Variants in RBBP8 observed in about 807,000 individuals in gnomAD.
RBBP8 encodes RB binding protein 8, endonuclease.
Under a neutral mutation model 108.3 loss-of-function variants are expected in RBBP8, and 88 were observed. The observed-to-expected ratio is 0.81, with a 90% CI of 0.68 to 0.97. The LOEUF (loss-of-function observed/expected upper bound fraction) is 0.97. Among genes scored for constraint, RBBP8 ranks in the 50% least tolerant of loss-of-function variants. The pLI is 0.00. For synonymous variants in RBBP8, 332 were observed against 348.2 expected (o/e 0.95, Z 0.52); for missense variants, 1,023 against 1,049.0 (o/e 0.98, Z 0.34).
At chr18:22,938,441 C>T (rs1165225926) in intron 2 of RBBP8, among the ~76,000 whole-genome samples, 7 of 152,268 alleles carry the variant, frequency 4.6e-5, no homozygotes, top group African/African-American at 1.7e-4. Flanking sequence ...CCCGCCTTGG[C>T]CTCCCAAACA....
chr18:22,986,359 T>C (rs1171452634), intron 8 of RBBP8, among the ~76,000 whole-genome samples: 1 of 152,168 alleles, frequency 6.6e-6, no homozygotes, highest in Non-Finnish European at 1.5e-5. Flanking sequence ...ATGTAGATCA[T>C]TGAGTGTTAA....
At position 22,992,937 on chromosome 18, in the gene RBBP8, T is replaced by C. The variant is rs369113425; in HGVS notation, c.1110T>C (p.Ser370=). Residue 370 remains serine (S), a synonymous_variant, in exon 11 of 19, where the codon TCT becomes TCC. Transcript: ENST00000327155. ...KTLPFSNTCI[S]RLEKTRSKSE... ...TCCCTTTTAGCAACACTTGTATATC[T>C]AGATTAGAAAAAACTAGATCAAAAT... is the stretch of plus-strand genomic sequence containing the variant. The C allele has an allele frequency of 1.2e-6, 2 of 1,613,708 alleles. No homozygotes were observed. The highest frequency in any genetic ancestry group is 1.1e-5 in the South Asian group (1 of 91,052).
chr18:23,006,128 G>A (rs894932676), intron 15 of RBBP8, among the ~76,000 whole-genome samples: 1 of 151,862 alleles, frequency 6.6e-6, no homozygotes, highest in Non-Finnish European at 1.5e-5. Flanking sequence ...GGAGCTTGCA[G>A]TGAGCAGAGA....
chr18:22,972,074 G>A (rs1408115304), intron 5 of RBBP8, among the ~76,000 whole-genome samples: 4 of 151,424 alleles, frequency 2.6e-5, no homozygotes, highest in African/African-American at 4.8e-5. Flanking sequence ...CAAAGAATTA[G>A]GGCAGGCGCG....
At chr18:22,994,011 G>GTTTTTT (rs1555644186) in intron 12 of RBBP8, among the ~76,000 whole-genome samples, 164 bp downstream of exon 12, 1 of 77,466 alleles carries the variant, frequency 1.3e-5, no homozygotes, top group African/African-American at 3.9e-5. Flanking sequence ...TGATTTTTCT[G>GTTTTTT]TTCTTTTTTT....
chr18:22,959,072 T>A (rs1912842569), intron 4 of RBBP8, among the ~76,000 whole-genome samples: 1 of 152,320 alleles, frequency 6.6e-6, no homozygotes, highest in South Asian at 2.1e-4. Context: ...CACCAGTGAA[T>A]GTGATCGATA....
At chr18:23,019,796 C>G (rs367922507) in intron 17 of RBBP8, among the ~76,000 whole-genome samples, 5 of 138,252 alleles carry the variant, frequency 3.6e-5, no homozygotes, top group East Asian at 4.2e-4. Context: ...GAGTCTCACT[C>G]TGTTGCCCAG....
chr18:22,992,952 T>C lies in RBBP8; in HGVS notation c.1125T>C (p.Thr375=). 1 of 1,613,598 alleles carries C rather than the reference T, an allele frequency of 6.2e-7. No homozygotes were observed. Among genetic ancestry groups the C allele is most frequent in the Non-Finnish European group, 8.5e-7 (1 of 1,179,582 alleles). Residue 375 remains threonine (T), a synonymous_variant, in exon 11 of 19, where the codon ACT becomes ACC. Coordinates refer to ENST00000327155, the MANE Select transcript of RBBP8 (RefSeq NM_002894.3). ...SNTCISRLEK[T]RSKSEDSALF... is the part of the protein sequence containing the mutation. ...CTTGTATATCTAGATTAGAAAAAAC[T>C]AGATCAAAATCTGAAGATAGTGCCC...
intron 10 of RBBP8, among the ~76,000 whole-genome samples, 162 bp downstream of exon 10, chr18:22,991,211 G>C (rs910465200): frequency 2.6e-5 from 4 of 152,118 alleles, no homozygotes; most frequent in African/African-American, 7.2e-5. Context: ...CTGACCAATT[G>C]AGAGCTTTTT....
At chr18:23,011,304 C>CT (rs2046155212) in intron 16 of RBBP8, among the ~76,000 whole-genome samples, 1 of 152,182 alleles carries the variant, frequency 6.6e-6, no homozygotes, top group Non-Finnish European at 1.5e-5. Flanking sequence ...TTGAACAAAT[C>CT]TGTCAGCGGC....
At chr18:23,019,153 T>G (rs545237575) in intron 17 of RBBP8, among the ~76,000 whole-genome samples, 4 of 152,332 alleles carry the variant, frequency 2.6e-5, no homozygotes, top group Admixed American at 2.0e-4. Flanking sequence ...CACGATGTCT[T>G]AAAGAATATG....
At chr18:22,917,992 C>T (rs886956635) in intron 3 of RBBP8, among the ~76,000 whole-genome samples, 7 of 95,324 alleles carry the variant, frequency 7.3e-5, no homozygotes, top group East Asian at 2.5e-4. Flanking sequence ...AGCAAGACTC[C>T]GTCTCAAAAA....
In RBBP8 at chr18:23,006,257, C is replaced by T. The variant is rs953490893; in HGVS notation, c.2288-106C>T. ...TTGCTCAGAGGCCTGGAGCATGAAA[C>T]CCAATAAAAATGGAAGTTTGAGTGC... On this transcript the variant is annotated intron_variant, in intron 15 of 18. Transcript: ENST00000327155. The T allele has an allele frequency of 3.1e-6, 3 of 965,334 alleles. No individual in the cohort carries two copies. In the African/African-American group the frequency reaches 4.9e-5, roughly 16 times the overall value. The allele number at this position is 965,334 out of a possible 1,614,324, so 59.8% of individuals were successfully genotyped here.
Position 22,969,564 on chromosome 18 carries a change from T to C in RBBP8, c.361+646T>C, listed in dbSNP as rs72887655. 1.7e-3 allele frequency among the ~76,000 whole-genome samples: 253 copies of C among 152,282 alleles called. 1 individual carries two copies. In the Middle Eastern group the frequency reaches 0.034, roughly 20 times the overall value. On this transcript the variant is annotated intron_variant, in intron 5 of 18. Coordinates refer to ENST00000327155, the MANE Select transcript of RBBP8 (RefSeq NM_002894.3). ...TCTGTCTTTTATTTTTTTCTGTTAA[T>C]TATATTGCTACCCTGTGGTTATTCA...
chr18:22,991,002 G>C lies in RBBP8; in HGVS notation c.873G>C (p.Lys291Asn). 1.9e-6 allele frequency: 3 copies of C among 1,613,758 alleles called. No individual in the cohort carries two copies. Among genetic ancestry groups the C allele is most frequent in the Non-Finnish European group, 2.5e-6 (3 of 1,179,770 alleles). ...ACCACTGTCTGGAAGGAAATCACAA[G>C]AAACAGCCTTTTGAGGAATCTACAA... is the stretch of plus-strand genomic sequence containing the variant. ...ELYHCLEGNH[K>N]KQPFEESTRN... Residue 291 changes from lysine to asparagine, a missense_variant, in exon 10 of 19, where the codon AAG (lysine) becomes AAC (asparagine). Physicochemically the swap from Lys to Asn is moderately conservative, Grantham distance 94. Coordinates refer to ENST00000327155, the MANE Select transcript of RBBP8 (RefSeq NM_002894.3).
intron 5 of RBBP8, among the ~76,000 whole-genome samples, chr18:22,972,104 C>T (rs1027151634): frequency 6.7e-6 from 1 of 150,076 alleles, no homozygotes; most frequent in Non-Finnish European, 1.5e-5. Context: ...GCCTGTAATC[C>T]CAGCACTTTG....
At chr18:22,919,745 T>C (rs1184938889) in intron 3 of RBBP8, among the ~76,000 whole-genome samples, 2 of 151,956 alleles carry the variant, frequency 1.3e-5, no homozygotes, top group African/African-American at 4.8e-5. Flanking sequence ...ACAGATGGGA[T>C]TTCATTATGT....
chr18:22,943,095 AAGAG>A (rs1234023795), intron 2 of RBBP8, among the ~76,000 whole-genome samples: 1 of 151,976 alleles, frequency 6.6e-6, no homozygotes, highest in Non-Finnish European at 1.5e-5. Context: ...AAATTCTAAA[AAGAG>A]AACATTATCT....
At chr18:22,928,296 A>C (rs1909868081) in intron 3 of RBBP8, among the ~76,000 whole-genome samples, 1 of 152,106 alleles carries the variant, frequency 6.6e-6, no homozygotes, top group Non-Finnish European at 1.5e-5. Context: ...AAATAATTAC[A>C]ATATAATGGT....
Sources: gnomAD v4.1 joint callset for allele counts (sites outside exome capture counted in the v4.1 genomes callset) on GRCh38, gnomAD v4.1.1 for gene constraint, MANE v1.5 for transcripts, NCBI Gene and HGNC (gene_info 2026-07-23, HGNC 2026-07-21) for gene names.